Variants in PIK3CB observed in about 807,000 individuals in gnomAD.
PIK3CB encodes the protein phosphatidylinositol-4,5-bisphosphate 3-kinase catalytic subunit beta, also known as phosphatidylinositol 4,5-bisphosphate 3-kinase catalytic subunit beta isoform.
A neutral mutation model predicts 136.8 loss-of-function variants in PIK3CB; 39 were observed. The observed-to-expected ratio is 0.29, with a 90% CI of 0.22 to 0.37. The LOEUF is 0.37. PIK3CB is among the 10% of genes least tolerant of loss of function. PIK3CB has a pLI of 1.00. For missense variants in PIK3CB, 868 were observed against 1,275.4 expected (o/e 0.68, Z 4.87); for synonymous variants, 428 against 436.6 (o/e 0.98, Z 0.25).
chr3:138,670,828 C>G (rs540085500), intron 19 of PIK3CB, among the ~76,000 whole-genome samples: 1 of 152,258 alleles, frequency 6.6e-6, no homozygotes, highest in South Asian at 2.1e-4. Context: ...GCCACAGTGT[C>G]CTTTTTAGAT....
At chr3:138,728,267 C>T in intron 8 of PIK3CB, among the ~76,000 whole-genome samples, 1 of 152,118 alleles carries the variant, frequency 6.6e-6, no homozygotes, top group Non-Finnish European at 1.5e-5. Flanking sequence ...GAAGGCTTCT[C>T]ACCTCATTAT....
intron 8 of PIK3CB, among the ~76,000 whole-genome samples, chr3:138,719,235 ATTTTTTTTTTTT>A (rs34980826): frequency 7.2e-5 from 5 of 69,620 alleles, no homozygotes; most frequent in Admixed American, 4.4e-4. Flanking sequence ...TTAGCTCAGT[ATTTTTTTTTTTT>A]TTTTTTTTTT....
At chr3:138,657,654 A>T in intron 22 of PIK3CB, 36 bp downstream of exon 22, 2 of 1,583,732 alleles carry the variant, frequency 1.3e-6, no homozygotes, top group Non-Finnish European at 1.7e-6. Context: ...AGAAAATGTT[A>T]GAAGTGTTCA....
intron 8 of PIK3CB, among the ~76,000 whole-genome samples, chr3:138,715,699 T>A (rs1471131657): frequency 6.6e-6 from 1 of 151,868 alleles, no homozygotes; most frequent in Non-Finnish European, 1.5e-5. Context: ...TAATATAAAA[T>A]TTTAAATACT....
At chr3:138,834,495 C>T (rs1386207720) in intron 1 of PIK3CB, among the ~76,000 whole-genome samples, 200 bp downstream of exon 1, 1 of 152,186 alleles carries the variant, frequency 6.6e-6, no homozygotes, top group African/African-American at 2.4e-5. Context: ...GGGCCGCAAC[C>T]AAGCCAGACG....
chr3:138,656,048 G>A (rs2043186075), intron 23 of PIK3CB, 94 bp downstream of exon 23: 2 of 1,291,668 alleles, frequency 1.5e-6, no homozygotes, highest in African/African-American at 1.5e-5. Context: ...AAATGACTTT[G>A]TTCTACTTCC....
intron 14 of PIK3CB, among the ~76,000 whole-genome samples, chr3:138,693,965 A>AT (rs67699923): frequency 1.1e-4 from 3 of 27,412 alleles, no homozygotes; most frequent in African/African-American, 7.1e-4. Flanking sequence ...ATATATATAT[A>AT]TTATATATAT....
At chr3:138,684,465 C>G (rs546313221) in intron 17 of PIK3CB, among the ~76,000 whole-genome samples, 160 bp downstream of exon 17, 59 of 152,232 alleles carry the variant, frequency 3.9e-4, no homozygotes, top group African/African-American at 1.3e-3. Flanking sequence ...AGCATACATC[C>G]TATTGAATAT....
chr3:138,782,360 G>A (rs1434762933), intron 2 of PIK3CB, among the ~76,000 whole-genome samples: 6 of 152,200 alleles, frequency 3.9e-5, no homozygotes, highest in Non-Finnish European at 8.8e-5. Flanking sequence ...GGAACAAGGC[G>A]AATGAAGAAA....
chr3:138,659,425 G>C (rs1221547137), intron 21 of PIK3CB, among the ~76,000 whole-genome samples: 3 of 151,998 alleles, frequency 2.0e-5, no homozygotes, highest in Non-Finnish European at 4.4e-5. Flanking sequence ...GCTGAGGCAG[G>C]AGAATCACTT....
intron 8 of PIK3CB, among the ~76,000 whole-genome samples, chr3:138,716,000 G>A (rs1359321386): frequency 6.6e-6 from 1 of 151,824 alleles, no homozygotes; most frequent in East Asian, 1.9e-4. Flanking sequence ...CTGGATGATG[G>A]GTTCATGGAG....
At chr3:138,737,394 CAAAAAAAAA>C (rs11344311) in intron 6 of PIK3CB, among the ~76,000 whole-genome samples, 2 of 39,076 alleles carry the variant, frequency 5.1e-5, no homozygotes, top group African/African-American at 1.1e-4. Flanking sequence ...CACTCTGTCT[CAAAAAAAAA>C]AAAAAAAAAA....
chr3:138,738,887 A>T (rs907296601), intron 5 of PIK3CB, among the ~76,000 whole-genome samples: 3 of 152,028 alleles, frequency 2.0e-5, no homozygotes, highest in Admixed American at 6.6e-5. Context: ...TAAATAAATC[A>T]CTCCCCTGAA....
intron 18 of PIK3CB, 91 bp from the exon 19 acceptor site, chr3:138,682,136 AC>A: frequency 1.4e-6 from 1 of 711,388 alleles, no homozygotes. Flanking sequence ...TTAACTAAAA[AC>A]ATTAACAAAC....
chr3:138,709,999 G>A lies in PIK3CB; in HGVS notation c.1399+2209C>T, dbSNP rs536548495. Among the ~76,000 whole-genome samples, 350 of 131,522 alleles carry A rather than the reference G, an allele frequency of 2.7e-3. 1 individual carries two copies. Among genetic ancestry groups the A allele is most frequent in the Admixed American group, 5.3e-3 (61 of 11,512 alleles). 86.3% of individuals were successfully genotyped at this position (131,522 alleles called of 152,430 possible). On this transcript the variant is annotated intron_variant, in intron 10 of 23. Coordinates refer to ENST00000674063, the MANE Select transcript of PIK3CB (RefSeq NM_006219.3). Reference sequence around the variant, plus strand: ...TCGAGACCAGCTTGGGCAACATGGCGAAACCCTGTCTCTACAAAAAATACA... The same window carrying A: ...TCGAGACCAGCTTGGGCAACATGGCAAAACCCTGTCTCTACAAAAAATACA...
In PIK3CB at chr3:138,737,904, T is replaced by G. The variant is rs757086387; in HGVS notation, c.622-18A>C. 119 of 1,522,910 alleles carry G rather than the reference T, an allele frequency of 7.8e-5. No individual in the cohort carries two copies. Among genetic ancestry groups the G allele is most frequent in the Non-Finnish European group, 1.0e-4 (112 of 1,121,242 alleles). The allele number at this position is 1,522,910 out of a possible 1,614,324, so 94.3% of individuals were successfully genotyped here. ...AACACGTCCTGAAGGGGGAGGGAGATGGGGAAAAAAGCAGTAAATGTTATA... is the reference window on the plus strand; with the variant it reads ...AACACGTCCTGAAGGGGGAGGGAGAGGGGGAAAAAAGCAGTAAATGTTATA... On this transcript the variant is annotated intron_variant, in intron 5 of 23. Transcript: ENST00000674063.
At position 138,652,884 on chromosome 3, in the gene PIK3CB, A is replaced by G. The variant is rs953226041; in HGVS notation, c.*2505T>C. 4.7e-5 allele frequency: 10 copies of G among 214,326 alleles called. No individual in the cohort carries two copies. Among genetic ancestry groups the G allele is most frequent in the Non-Finnish European group, 8.5e-5 (9 of 106,400 alleles). The allele number at this position is 214,326 out of a possible 1,614,324, so 13.3% of individuals were successfully genotyped here. A position where few individuals can be genotyped will look rare whatever the true frequency, so the allele number is the denominator to read the frequency against. Reference sequence around the variant, plus strand: ...CCATATATATATCTACTATGTACTCACAAAAATTAAAAATTAAGAATTTGC... The same window carrying G: ...CCATATATATATCTACTATGTACTCGCAAAAATTAAAAATTAAGAATTTGC... On this transcript the variant is annotated 3_prime_UTR_variant, in exon 24 of 24. Transcript: ENST00000674063.
intron 2 of PIK3CB, among the ~76,000 whole-genome samples, chr3:138,783,692 A>G (rs185235641): frequency 6.6e-6 from 1 of 152,276 alleles, no homozygotes; most frequent in Non-Finnish European, 1.5e-5. Context: ...ATGGAATTCA[A>G]CAAGCAGAGT....
chr3:138,797,598 G>A (rs1181832850), intron 1 of PIK3CB, among the ~76,000 whole-genome samples: 1 of 152,136 alleles, frequency 6.6e-6, no homozygotes, highest in Non-Finnish European at 1.5e-5. Flanking sequence ...CAATTTCGAA[G>A]TACATAAAGC....
Sources: gnomAD v4.1 joint callset for allele counts (sites outside exome capture counted in the v4.1 genomes callset) on GRCh38, gnomAD v4.1.1 for gene constraint, MANE v1.5 for transcripts, NCBI Gene and HGNC (gene_info 2026-07-23, HGNC 2026-07-21) for gene names.